ADCK1: variants seen among roughly 807,000 people sequenced by gnomAD.
ADCK1 encodes aarF domain-containing protein kinase 1.
Under a neutral mutation model 52.3 loss-of-function variants are expected in ADCK1, and 41 were observed. That is an observed-to-expected ratio of 0.78 (90% confidence interval 0.61 to 1.02). The LOEUF (loss-of-function observed/expected upper bound fraction) is 1.02, where lower values mean the gene tolerates loss of function less well. Among genes scored for constraint, ADCK1 ranks in the 50% least tolerant of loss-of-function variants. ADCK1 has a pLI of 0.00. For missense variants in ADCK1, 658 were observed against 679.5 expected, an observed-to-expected ratio of 0.97 and a Z score of 0.35; for synonymous variants, 250 against 274.6, an observed-to-expected ratio of 0.91 and a Z score of 0.89.
intron 1 of ADCK1, among the ~76,000 whole-genome samples, chr14:77,812,755 A>T (rs1187715144): frequency 6.6e-6 from 1 of 150,496 alleles, no homozygotes; most frequent in African/African-American, 2.4e-5. Flanking sequence ...ATGCCTGGCT[A>T]GTTTTTGTAT....
intron 3 of ADCK1, among the ~76,000 whole-genome samples, chr14:77,853,889 G>C (rs1484168244): frequency 6.6e-6 from 1 of 152,158 alleles, no homozygotes; most frequent in African/African-American, 2.4e-5. Context: ...CAATTGAGGA[G>C]TCTTCTGGTC....
intron 5 of ADCK1, 76 bp from the exon 6 acceptor site, chr14:77,899,024 A>G (rs2083471723): frequency 1.3e-6 from 2 of 1,582,434 alleles, no homozygotes; most frequent in Non-Finnish European, 1.7e-6. Context: ...TCTAGGGGAG[A>G]ACCAGGCAGG....
intron 5 of ADCK1, 66 bp downstream of exon 5, chr14:77,887,315 A>G: frequency 6.8e-7 from 1 of 1,466,872 alleles, no homozygotes; most frequent in East Asian, 2.5e-5. Flanking sequence ...CAGGCCACCT[A>G]GGTGGAACTG....
intron 4 of ADCK1, among the ~76,000 whole-genome samples, chr14:77,866,353 T>C (rs1273710565): frequency 6.6e-6 from 1 of 152,178 alleles, no homozygotes; most frequent in Non-Finnish European, 1.5e-5. Context: ...CTGTACTGTT[T>C]TGCTAGAATA....
At position 77,842,673 on chromosome 14, in the gene ADCK1, C is replaced by T. The variant is rs550297276; in HGVS notation, c.220-16403C>T. Among the ~76,000 whole-genome samples the T allele has an allele frequency of 2.2e-4, 34 of 152,022 alleles. No individual in the cohort carries two copies. The South Asian group carries it at 6.9e-3, about 31-fold the overall frequency. On this transcript the variant is annotated intron_variant, in intron 3 of 10. Transcript: ENST00000238561. ...TCAAGCAAATCTCCTGCCTCAGCCT[C>T]CAGAGCAGCTGGGATTACAGGCATG...
Position 77,818,962 on chromosome 14 carries a change from C to T in ADCK1, c.-11-6C>T. The T allele has an allele frequency of 6.2e-7, 1 of 1,607,036 alleles. No homozygotes were observed. ...TATTCTTTCTCAACTTTCCTTTTTTCTGCAGGATCTGGCGACATGGCCAGA... is the reference window on the plus strand; with the variant it reads ...TATTCTTTCTCAACTTTCCTTTTTTTTGCAGGATCTGGCGACATGGCCAGA... On this transcript the variant is annotated splice_polypyrimidine_tract_variant and splice_region_variant and intron_variant, in intron 1 of 10. Transcript: ENST00000238561.
chr14:77,852,895 ATATATATATATATTTTTTTT>A (rs1200635662), intron 3 of ADCK1, among the ~76,000 whole-genome samples: 2 of 32,132 alleles, frequency 6.2e-5, no homozygotes, highest in Non-Finnish European at 5.9e-5. Flanking sequence ...ATATATATAT[ATATATATATATATTTTTTTT>A]TTTTTTTTTT....
chr14:77,830,215 G>A (rs1006246339), intron 3 of ADCK1, among the ~76,000 whole-genome samples: 1 of 151,106 alleles, frequency 6.6e-6, no homozygotes, highest in African/African-American at 2.4e-5. Context: ...TCCGCTCACG[G>A]CAACCTCCGT....
intron 3 of ADCK1, among the ~76,000 whole-genome samples, chr14:77,841,841 C>T (rs1337220250): frequency 9.2e-6 from 1 of 108,464 alleles, no homozygotes; most frequent in East Asian, 2.8e-4. Context: ...GACAGAGTGA[C>T]ACTCTTTAAA....
At chr14:77,887,281 C>T in intron 5 of ADCK1, 32 bp downstream of exon 5, 2 of 1,524,312 alleles carry the variant, frequency 1.3e-6, no homozygotes, top group Non-Finnish European at 8.8e-7. Flanking sequence ...TTCCTGTGTC[C>T]TCAGTCTACA....
intron 2 of ADCK1, 46 bp downstream of exon 2, chr14:77,819,159 T>C (rs2081528820): frequency 6.2e-7 from 1 of 1,610,722 alleles, no homozygotes; most frequent in Non-Finnish European, 8.5e-7. Context: ...GCAGGATTAC[T>C]TGCAGGTGTT....
chr14:77,841,574 C>A (rs7493235), intron 3 of ADCK1, among the ~76,000 whole-genome samples: 57,800 of 150,422 alleles, frequency 0.38, 11,746 homozygotes, highest in Admixed American at 0.51. Flanking sequence ...CCTGTAATCC[C>A]AGCACTTTGG....
At position 77,817,939 on chromosome 14, in the gene ADCK1, C is replaced by T. The variant is rs192023077; in HGVS notation, c.-11-1029C>T. Among the ~76,000 whole-genome samples, 1,156 of 151,212 alleles carry T rather than the reference C, an allele frequency of 7.6e-3. 26 individuals carry two copies. The highest frequency in any genetic ancestry group is 4.9e-3 in the Non-Finnish European group (330 of 67,832). Reference sequence around the variant, plus strand: ...TTTTTTAGTAGAGACGGGGTTTCATCGTGTTAGCCAGGATGGTCTTGATCT... The same window carrying T: ...TTTTTTAGTAGAGACGGGGTTTCATTGTGTTAGCCAGGATGGTCTTGATCT... On this transcript the variant is annotated intron_variant, in intron 1 of 10. Transcript: ENST00000238561.
intron 3 of ADCK1, among the ~76,000 whole-genome samples, chr14:77,857,125 A>AG (rs1202103722): frequency 4.6e-5 from 7 of 151,816 alleles, no homozygotes; most frequent in African/African-American, 1.7e-4. Flanking sequence ...TGCTGGGTTG[A>AG]GGGTGTTCAG....
chr14:77,836,188 A>G (rs960079943), intron 3 of ADCK1, among the ~76,000 whole-genome samples: 2 of 152,142 alleles, frequency 1.3e-5, no homozygotes, highest in Non-Finnish European at 2.9e-5. Context: ...TGACTCTTCT[A>G]CCTTCCATTA....
At chr14:77,838,852 T>C (rs1001110137) in intron 3 of ADCK1, among the ~76,000 whole-genome samples, 1 of 152,254 alleles carries the variant, frequency 6.6e-6, no homozygotes, top group African/African-American at 2.4e-5. Context: ...ATTTATTGAA[T>C]GCCTACTATG....
intron 3 of ADCK1, among the ~76,000 whole-genome samples, chr14:77,849,099 A>G: frequency 6.6e-6 from 1 of 152,020 alleles, no homozygotes; most frequent in African/African-American, 2.4e-5. Flanking sequence ...AAGTGCTGGG[A>G]TTATAGGCGT....
At chr14:77,833,869 T>A (rs1453249186) in intron 3 of ADCK1, among the ~76,000 whole-genome samples, 1 of 152,212 alleles carries the variant, frequency 6.6e-6, no homozygotes, top group Non-Finnish European at 1.5e-5. Flanking sequence ...GTTAGTTACC[T>A]AGGGACCATG....
chr14:77,915,219 C>T (rs192554524), intron 7 of ADCK1, among the ~76,000 whole-genome samples: 102 of 151,124 alleles, frequency 6.7e-4, no homozygotes, highest in Admixed American at 1.7e-3. Context: ...TTTTAGGGTA[C>T]ATGTGCACAA....
Sources: gnomAD v4.1 joint callset for allele counts (sites outside exome capture counted in the v4.1 genomes callset) on GRCh38, gnomAD v4.1.1 for gene constraint, MANE v1.5 for transcripts, NCBI Gene and HGNC (gene_info 2026-07-23, HGNC 2026-07-21) for gene names.